FCGR2B: variants seen among roughly 807,000 people sequenced by gnomAD.
FCGR2B encodes the protein Fc gamma receptor IIb.
A neutral mutation model predicts 24.8 loss-of-function variants in FCGR2B; 18 were observed. That is an observed-to-expected ratio of 0.73 (90% CI 0.50 to 1.08). The LOEUF (loss-of-function observed/expected upper bound fraction) is 1.08, where lower values mean the gene tolerates loss of function less well. FCGR2B is among the 50% of genes least tolerant of loss of function. The pLI is 0.00. For missense variants in FCGR2B, 215 were observed against 297.6 expected, an observed-to-expected ratio of 0.72 and a Z score of 2.04; for synonymous variants, 79 against 109.8, an observed-to-expected ratio of 0.72 and a Z score of 1.75.
chr1:161,652,934 C>G, the FCGR2B span, among the ~76,000 whole-genome samples: 1 of 134,322 alleles, frequency 7.4e-6, no homozygotes, highest in East Asian at 2.0e-4. Flanking sequence ...GGTATTTTCT[C>G]AATTTTCCTG....
At chr1:161,661,581 T>C (rs1358772430), upstream of FCGR2B, among the ~76,000 whole-genome samples, 12 of 81,794 alleles carry the variant, frequency 1.5e-4, no homozygotes, top group Admixed American at 2.4e-4. Context: ...AAAATAAACT[T>C]CTAAATTAAT....
At position 161,669,574 on chromosome 1, in the gene FCGR2B, C is replaced by CAAAATAAAATAAAATAAAAT. The variant is rs3039548; in HGVS notation, c.113-647_113-628dup. Among the ~76,000 whole-genome samples, 415 of 122,810 alleles carry CAAAATAAAATAAAATAAAAT rather than the reference C, an allele frequency of 3.4e-3. 5 individuals are homozygous for CAAAATAAAATAAAATAAAAT. The highest frequency in any genetic ancestry group is 0.011 in the African/African-American group (380 of 35,426). 80.6% of individuals were successfully genotyped at this position (122,810 alleles called of 152,430 possible). A position where few individuals can be genotyped will look rare whatever the true frequency, so the allele number is the denominator to read the frequency against. ...GACAGAGTGAGACCCTGTCCCCCCA[C>CAAAATAAAATAAAATAAAAT]AAAATAAAATAAAATAAAATAAAAT... On this transcript the variant is annotated intron_variant, in intron 1 of 7. Transcript: ENST00000358671.
the FCGR2B span, among the ~76,000 whole-genome samples, chr1:161,650,294 A>C: frequency 2.7e-5 from 4 of 146,506 alleles, no homozygotes; most frequent in African/African-American, 7.6e-5. Context: ...GCCAAAAAAA[A>C]GTTTTGAAGT....
chr1:161,647,443 G>A, the FCGR2B span, among the ~76,000 whole-genome samples: 1 of 150,314 alleles, frequency 6.7e-6, no homozygotes, highest in Non-Finnish European at 1.5e-5. Flanking sequence ...TGGGACTACA[G>A]GCACCCACCA....
At chr1:161,647,817 C>A in the FCGR2B span, among the ~76,000 whole-genome samples, 1 of 151,018 alleles carries the variant, frequency 6.6e-6, no homozygotes, top group Non-Finnish European at 1.5e-5. Flanking sequence ...AATCCATTTA[C>A]AACATTCTCC....
chr1:161,669,535 A>G lies in FCGR2B; in HGVS notation c.113-717A>G, dbSNP rs1226866939. 5.6e-5 allele frequency among the ~76,000 whole-genome samples: 8 copies of G among 143,072 alleles called. 1 individual carries two copies. The highest frequency in any genetic ancestry group is 5.0e-4 in the Admixed American group (7 of 13,990). 93.9% of individuals were successfully genotyped at this position (143,072 alleles called of 152,430 possible). On this transcript the variant is annotated intron_variant, in intron 1 of 7. Transcript: ENST00000358671. ...CAGTGAGCCAAGATCGCGTTATTGCACTCCAGCCTGGGTGACAGAGTGAGA... is the reference window on the plus strand; with the variant it reads ...CAGTGAGCCAAGATCGCGTTATTGCGCTCCAGCCTGGGTGACAGAGTGAGA...
chr1:161,672,480 AGG>A (rs1470331957), intron 3 of FCGR2B: 2 of 177,184 alleles, frequency 1.1e-5, no homozygotes, highest in Non-Finnish European at 2.4e-5. Flanking sequence ...TAAATTTATC[AGG>A]TAGCATTCAT....
At chr1:161,661,230 GAAA>G (rs1557895058), upstream of FCGR2B, among the ~76,000 whole-genome samples, 7 of 71,694 alleles carry the variant, frequency 9.8e-5, no homozygotes, top group South Asian at 4.1e-4. Context: ...AAGAAAGAAA[GAAA>G]GAAAGAAAGA....
chr1:161,671,970 A>T, intron 3 of FCGR2B: 1 of 436,228 alleles, frequency 2.3e-6, no homozygotes, highest in Non-Finnish European at 4.1e-6. Context: ...ACTATACAAC[A>T]TGATGAATTC....
At chr1:161,674,901 T>C (rs866804342) in intron 5 of FCGR2B, 20 of 184,506 alleles carry the variant, frequency 1.1e-4, no homozygotes, top group Admixed American at 4.4e-4. Context: ...CACTTTTCAA[T>C]TGGTTCATAG....
At chr1:161,675,137 G>C in intron 5 of FCGR2B, 120 bp from the exon 6 acceptor site, 2 of 682,890 alleles carry the variant, frequency 2.9e-6, no homozygotes, top group South Asian at 3.8e-5. Flanking sequence ...TGGGAGGACA[G>C]GAAACATCTG....
At position 161,675,231 on chromosome 1, in the gene FCGR2B, ACTAACCTCCTG is replaced by A. The variant is rs1682015134; in HGVS notation, c.761-25_761-15del. ...GACTCAGGCCCCACCGCCTAATCCT[ACTAACCTCCTG>A]TGTGCCCCTCCCAGCTCTCCCAGGA... On this transcript the variant is annotated splice_polypyrimidine_tract_variant and intron_variant, in intron 5 of 7. Coordinates refer to ENST00000358671, the MANE Select transcript of FCGR2B (RefSeq NM_001394477.1). The A allele has an allele frequency of 6.3e-7, 1 of 1,580,750 alleles. No homozygotes were observed. Among genetic ancestry groups the A allele is most frequent in the African/African-American group, 1.4e-5 (1 of 73,256 alleles).
intron 4 of FCGR2B, chr1:161,673,662 C>A: frequency 3.8e-6 from 2 of 523,178 alleles, no homozygotes; most frequent in Non-Finnish European, 7.1e-6. Context: ...TCCAGCTATG[C>A]GAGGCTTTGG....
rs762484958 is a variant in FCGR2B, at chr1:161,673,054, C to G, written c.471C>G (p.Asp157Glu). ...TIVLRCHSWKDKPLVKVTFFQ... is the reference protein window; with the variant it reads ...TIVLRCHSWKEKPLVKVTFFQ... ...TGCTGAGGTGCCACAGCTGGAAGGA[C>G]AAGCCTCTGGTCAAGGTCACATTCT... The change falls in exon 4 of 8, where the codon GAC (aspartate) becomes GAG (glutamate). Residue 157 changes from aspartate to glutamate, a missense_variant. By Grantham distance (45) the Asp-to-Glu change is conservative (BLOSUM62 2). Transcript: ENST00000358671. The G allele has an allele frequency of 3.1e-6, 5 of 1,611,708 alleles. No homozygotes were observed. In the Admixed American group the frequency reaches 6.7e-5, roughly 22 times the overall value.
the FCGR2B span, among the ~76,000 whole-genome samples, chr1:161,654,386 GTTT>G: frequency 2.6e-5 from 3 of 113,978 alleles, no homozygotes; most frequent in Middle Eastern, 5.1e-3. Flanking sequence ...TGTTGTTGTT[GTTT>G]TTTCCTGTTC....
Position 161,671,822 on chromosome 1 carries a change from A to C in FCGR2B, c.391+173A>C, listed in dbSNP as rs900602681. ...TGCCTCAGTTCTGATTGAACAGAAG[A>C]AGGTTTCAAGGCCAAAAACAGGCAG... On this transcript the variant is annotated intron_variant, in intron 3 of 7. Transcript: ENST00000358671. 1.7e-5 allele frequency: 22 copies of C among 1,323,312 alleles called. No individual in the cohort carries two copies. In the African/African-American group the frequency reaches 3.1e-4, roughly 19 times the overall value. 82.0% of individuals were successfully genotyped at this position (1,323,312 alleles called of 1,614,324 possible).
rs1557904652 is a variant in FCGR2B, at chr1:161,677,309, T to C, written c.818-19T>C. The C allele has an allele frequency of 1.9e-6, 3 of 1,613,608 alleles. No individual in the cohort carries two copies. Among genetic ancestry groups the C allele is most frequent in the Non-Finnish European group, 2.5e-6 (3 of 1,179,624 alleles). ...TTCTCCAGCAGTGCTCTGGCTGATA[T>C]TTCTTCTTTTTCCCACAGCCAATCC... On this transcript the variant is annotated intron_variant, in intron 6 of 7. Coordinates refer to ENST00000358671, the MANE Select transcript of FCGR2B (RefSeq NM_001394477.1).
At chr1:161,647,491 G>A in the FCGR2B span, among the ~76,000 whole-genome samples, 1 of 150,346 alleles carries the variant, frequency 6.7e-6, no homozygotes, top group Non-Finnish European at 1.5e-5. Context: ...AGTAGGGACA[G>A]GGTTTTGCCA....
intron 1 of FCGR2B, among the ~76,000 whole-genome samples, chr1:161,669,667 C>G (rs1455677213): frequency 7.2e-6 from 1 of 138,754 alleles, no homozygotes; most frequent in African/African-American, 2.5e-5. Context: ...TTGCATTGCT[C>G]AGTGAAGAAT....
Sources: allele counts gnomAD v4.1 joint callset (sites outside exome capture counted in the v4.1 genomes callset), GRCh38; gene constraint gnomAD v4.1.1; transcripts MANE v1.5; gene names NCBI Gene and HGNC (gene_info 2026-07-23, HGNC 2026-07-21).